Variants in PRKN observed in about 807,000 individuals in gnomAD.
The protein encoded by PRKN is E3 ubiquitin-protein ligase parkin.
PRKN carries 56 observed loss-of-function variants against 59.5 expected under a neutral mutation model. The ratio of observed to expected loss-of-function variants is 0.94; its 90% confidence interval spans 0.76 to 1.18. PRKN has a LOEUF of 1.18. PRKN is among the 50% of genes most tolerant of loss of function. PRKN has a pLI of 0.00. For missense variants in PRKN, 657 were observed against 596.4 expected, an observed-to-expected ratio of 1.10 and a Z score of -1.06; for synonymous variants, 250 against 222.1, an observed-to-expected ratio of 1.13 and a Z score of -1.12.
intron 7 of PRKN, among the ~76,000 whole-genome samples, chr6:161,661,555 A>T (rs76597205): frequency 6.7e-6 from 1 of 148,586 alleles, no homozygotes; most frequent in Non-Finnish European, 1.5e-5. Context: ...ACCTGCTTCC[A>T]TTTTTTTTTT....
rs1213266379 is a variant in PRKN at position 161,525,943 on chromosome 6, A to G, written c.1083+22911T>C. On this transcript the variant is annotated intron_variant, in intron 9 of 11. Coordinates refer to ENST00000366898, the MANE Select transcript of PRKN (RefSeq NM_004562.3). The surrounding 1 kb of genome is among the most constrained non-coding windows in gnomAD (Gnocchi z 4.7). ...TTAAATCTAATTATACCAATGTCTC[A>G]AATATATAACAAATATAACAGAAAA... Among the ~76,000 whole-genome samples, 1 of 152,220 alleles carries G rather than the reference A, an allele frequency of 6.6e-6. No homozygotes were observed. Among genetic ancestry groups the G allele is most frequent in the African/African-American group, 2.4e-5 (1 of 41,456 alleles).
At chr6:162,234,371 G>C (rs1010590811) in intron 3 of PRKN, among the ~76,000 whole-genome samples, 6 of 152,134 alleles carry the variant, frequency 3.9e-5, no homozygotes, top group East Asian at 1.9e-4. Context: ...TAAAAGGTTT[G>C]ATTCAGTTGG....
At chr6:161,893,030 A>C (rs1014769431) in intron 6 of PRKN, among the ~76,000 whole-genome samples, 1 of 152,264 alleles carries the variant, frequency 6.6e-6, no homozygotes, top group Admixed American at 6.5e-5. Flanking sequence ...TTTAGTAGAG[A>C]TGGGGTTTCA....
intron 2 of PRKN, among the ~76,000 whole-genome samples, chr6:162,334,852 A>G (rs1783759935): frequency 6.6e-6 from 1 of 152,158 alleles, no homozygotes; most frequent in African/African-American, 2.4e-5. Flanking sequence ...GAATTAGAAG[A>G]TTTGGATTCC....
At chr6:162,011,139 A>AT (rs1203740665) in intron 5 of PRKN, among the ~76,000 whole-genome samples, 24 of 1,530 alleles carry the variant, frequency 0.016, 10 homozygotes, top group African/African-American at 0.068. Context: ...ATATAATTAT[A>AT]ATATATATTA....
intron 6 of PRKN, among the ~76,000 whole-genome samples, chr6:161,843,411 C>A (rs1793070486): frequency 6.6e-6 from 1 of 152,222 alleles, no homozygotes; most frequent in African/African-American, 2.4e-5. Context: ...GTACCTTCCA[C>A]ATTTGTTCTT....
intron 2 of PRKN, among the ~76,000 whole-genome samples, chr6:162,339,731 T>C (rs903145115): frequency 6.6e-6 from 1 of 151,996 alleles, no homozygotes; most frequent in Admixed American, 6.6e-5. Context: ...AGAAATCGGA[T>C]GGTTGCCGTG....
At chr6:162,004,515 T>G (rs901490431) in intron 5 of PRKN, among the ~76,000 whole-genome samples, 4 of 152,224 alleles carry the variant, frequency 2.6e-5, no homozygotes, top group African/African-American at 7.2e-5. Context: ...TCATATTTGG[T>G]GCTTACTGCT....
chr6:162,131,290 A>G (rs1328821833), intron 4 of PRKN, among the ~76,000 whole-genome samples: 2 of 152,230 alleles, frequency 1.3e-5, no homozygotes, highest in Non-Finnish European at 2.9e-5. Flanking sequence ...AACTTTTCAC[A>G]GGGCAAATAA....
intron 1 of PRKN, among the ~76,000 whole-genome samples, chr6:162,682,420 C>T (rs1000662344): frequency 1.3e-5 from 2 of 152,016 alleles, no homozygotes; most frequent in Non-Finnish European, 2.9e-5. Flanking sequence ...TATTATGCAG[C>T]CATAAAAAAG....
At chr6:161,430,639 C>T (rs1788596094) in intron 9 of PRKN, among the ~76,000 whole-genome samples, 4 of 151,494 alleles carry the variant, frequency 2.6e-5, no homozygotes. Flanking sequence ...CACAGTGAAA[C>T]CCTGTCTCTA....
intron 3 of PRKN, among the ~76,000 whole-genome samples, chr6:162,213,409 T>C (rs1296946379): frequency 1.3e-5 from 2 of 151,520 alleles, no homozygotes; most frequent in Non-Finnish European, 2.9e-5. Context: ...CATACACAAC[T>C]GGGAAGGAGC....
At chr6:162,307,181 C>T (rs989148555) in intron 2 of PRKN, among the ~76,000 whole-genome samples, 1 of 152,000 alleles carries the variant, frequency 6.6e-6, no homozygotes, top group African/African-American at 2.4e-5. Flanking sequence ...AAGTGGATCA[C>T]TTGAGGTCAA....
At chr6:162,673,841 T>C (rs1321517512) in intron 1 of PRKN, among the ~76,000 whole-genome samples, 1 of 152,342 alleles carries the variant, frequency 6.6e-6, no homozygotes, top group Non-Finnish European at 1.5e-5. Context: ...ACAGCAGGAC[T>C]GCAAGTGTGG....
chr6:161,515,785 T>C (rs480470), intron 9 of PRKN, among the ~76,000 whole-genome samples: 21,698 of 152,180 alleles, frequency 0.14, 1,706 homozygotes, highest in African/African-American at 0.19. Context: ...AGGTTCTTCT[T>C]ATGGGATTTT....
At chr6:162,403,671 T>A (rs1787915008) in intron 2 of PRKN, among the ~76,000 whole-genome samples, 1 of 152,108 alleles carries the variant, frequency 6.6e-6, no homozygotes. Flanking sequence ...ATTCCTGGAT[T>A]CAGGAATGGG....
intron 6 of PRKN, among the ~76,000 whole-genome samples, chr6:161,964,443 A>G (rs965252784): frequency 6.6e-6 from 1 of 151,988 alleles, no homozygotes; most frequent in Non-Finnish European, 1.5e-5. Context: ...TCAGAAAAGA[A>G]TCACTCCTGG....
intron 4 of PRKN, among the ~76,000 whole-genome samples, chr6:162,137,903 TA>T (rs1319018757): frequency 6.6e-6 from 1 of 152,122 alleles, no homozygotes; most frequent in Non-Finnish European, 1.5e-5. Flanking sequence ...ATATAGAAGT[TA>T]TATATATAAA....
intron 7 of PRKN, among the ~76,000 whole-genome samples, chr6:161,645,537 A>G (rs1349047841): frequency 6.6e-6 from 1 of 152,216 alleles, no homozygotes; most frequent in Admixed American, 6.5e-5. Context: ...TCTTACTAAA[A>G]TTTTTTATAG....
Sources: allele counts gnomAD v4.1 joint callset (sites outside exome capture counted in the v4.1 genomes callset), GRCh38; gene constraint gnomAD v4.1.1; non-coding constraint Gnocchi (gnomAD v3.1); transcripts MANE v1.5; gene names NCBI Gene and HGNC (gene_info 2026-07-23, HGNC 2026-07-21).